The following SRGAP1 variants were observed in gnomAD, a reference collection of about 807,000 sequenced individuals.
SRGAP1 encodes the protein SLIT-ROBO Rho GTPase-activating protein 1.
In SRGAP1, 43 loss-of-function variants were observed where a neutral mutation model predicts 121.9. The ratio of observed to expected loss-of-function variants is 0.35; its 90% CI spans 0.28 to 0.46. SRGAP1 has a LOEUF of 0.46. SRGAP1 is among the 20% of genes least tolerant of loss of function. The pLI, the probability that SRGAP1 is intolerant of heterozygous loss-of-function variation, is 1.00. For synonymous variants in SRGAP1, 447 were observed against 485.4 expected, an observed-to-expected ratio of 0.92 and a Z score of 1.04; for missense variants, 1,102 against 1,350.9, an observed-to-expected ratio of 0.82 and a Z score of 2.89.
intron 1 of SRGAP1, among the ~76,000 whole-genome samples, chr12:63,928,170 T>C (rs533134051): frequency 6.6e-6 from 1 of 152,322 alleles, no homozygotes; most frequent in Admixed American, 6.5e-5. Flanking sequence ...ATGAATGTAC[T>C]TGAAAATTGC....
chr12:64,080,363 G>C lies in SRGAP1; in HGVS notation c.1401G>C (p.Leu467=). 6.2e-7 allele frequency: 1 copy of C among 1,613,074 alleles called. No individual in the cohort carries two copies. The highest frequency in any genetic ancestry group is 8.5e-7 in the Non-Finnish European group (1 of 1,179,312). ...AACATGACTTGCTGCAGAGGACCCT[G>C]GGAGAAGGTGAGTTATCCAAAATGT... ...QAKHDLLQRT[L]GEGHRAEYMT... is the part of the protein sequence containing the mutation. The change falls in exon 10 of 22, where the codon CTG becomes CTC. Residue 467 remains leucine (L), a synonymous_variant. Transcript: ENST00000355086.
chr12:63,990,128 C>A, intron 3 of SRGAP1, 56 bp downstream of exon 3: 2 of 1,390,498 alleles, frequency 1.4e-6, no homozygotes, highest in Non-Finnish European at 2.0e-6. Context: ...TTGTCTATAA[C>A]CAGGACTGAG....
chr12:63,897,519 G>C (rs1161382153), intron 1 of SRGAP1, among the ~76,000 whole-genome samples: 1 of 152,116 alleles, frequency 6.6e-6, no homozygotes, highest in Non-Finnish European at 1.5e-5. Flanking sequence ...TATGGAAAGA[G>C]GTGAAAAAAA....
chr12:63,904,085 C>T (rs1399347150), intron 1 of SRGAP1, among the ~76,000 whole-genome samples: 1 of 152,114 alleles, frequency 6.6e-6, no homozygotes, highest in East Asian at 1.9e-4. Context: ...AATGCATTCC[C>T]TTCCCTCCCA....
At chr12:64,072,624 C>T (rs2035663133) in intron 8 of SRGAP1, among the ~76,000 whole-genome samples, 1 of 152,056 alleles carries the variant, frequency 6.6e-6, no homozygotes, top group African/African-American at 2.4e-5. Flanking sequence ...AAGAGAGAGG[C>T]CTGGAACAGA....
Position 63,938,730 on chromosome 12 carries a change from A to T in SRGAP1, c.68-45217A>T, listed in dbSNP as rs187363437. On this transcript the variant is annotated intron_variant, in intron 1 of 21. Transcript: ENST00000355086. ...CTACTGTTTGTGAAATCTCTTCAGA[A>T]ATGTTTTTAGGTTTTTTTTTTTTTC... is the stretch of plus-strand genomic sequence containing the variant. 2.0e-5 allele frequency among the ~76,000 whole-genome samples: 3 copies of T among 152,102 alleles called. No individual in the cohort carries two copies. The East Asian group carries it at 5.8e-4, about 29-fold the overall frequency.
intron 8 of SRGAP1, among the ~76,000 whole-genome samples, chr12:64,066,492 A>G (rs1414532021): frequency 1.3e-5 from 2 of 152,228 alleles, no homozygotes; most frequent in Admixed American, 1.3e-4. Flanking sequence ...AAGCAAAAAA[A>G]TAACTTACAG....
intron 6 of SRGAP1, among the ~76,000 whole-genome samples, chr12:64,045,076 TAATA>T (rs977059024): frequency 6.6e-6 from 1 of 152,132 alleles, no homozygotes; most frequent in Non-Finnish European, 1.5e-5. Context: ...AACCATGTAG[TAATA>T]AATAAAACCA....
At chr12:64,012,519 T>C (rs2034279482) in intron 3 of SRGAP1, among the ~76,000 whole-genome samples, 1 of 150,972 alleles carries the variant, frequency 6.6e-6, no homozygotes, top group African/African-American at 2.4e-5. Context: ...AAGGGTCTGC[T>C]CTCACTGCTT....
rs2037152199 is a variant in SRGAP1, at chr12:64,154,989, CAT to C, written c.*12319_*12320del. 6.6e-6 allele frequency: 1 copy of C among 152,068 alleles called. No individual in the cohort carries two copies. The highest frequency in any genetic ancestry group is 1.5e-5 in the Non-Finnish European group (1 of 68,014). The allele number at this position is 152,068 out of a possible 1,614,324, so 9.4% of individuals were successfully genotyped here. On this transcript the variant is annotated 3_prime_UTR_variant, in exon 22 of 22. Transcript: ENST00000355086. ...GCCATTTCTAGTGTGCATTTGTTAA[CAT>C]AAATATGATAATAAAAATAGTTAAC...
intron 1 of SRGAP1, among the ~76,000 whole-genome samples, chr12:63,945,566 C>T (rs2136355522): frequency 6.6e-6 from 1 of 152,302 alleles, no homozygotes; most frequent in Non-Finnish European, 1.5e-5. Context: ...GAGAACTTAT[C>T]TTGTGGATTC....
chr12:63,996,017 T>G (rs2033689845), intron 3 of SRGAP1, among the ~76,000 whole-genome samples: 1 of 151,650 alleles, frequency 6.6e-6, no homozygotes, highest in Admixed American at 6.6e-5. Context: ...GCTCTGACCT[T>G]GTTTTTTTTT....
At chr12:64,078,865 T>C in intron 8 of SRGAP1, 54 bp from the exon 9 acceptor site, 1 of 1,572,670 alleles carries the variant, frequency 6.4e-7, no homozygotes. Flanking sequence ...CTCTCCCTGT[T>C]TGTGGGATTC....
chr12:63,922,887 C>T (rs2031119546), intron 1 of SRGAP1, among the ~76,000 whole-genome samples: 1 of 152,216 alleles, frequency 6.6e-6, no homozygotes, highest in African/African-American at 2.4e-5. Flanking sequence ...AAGAGTAGAT[C>T]TGTTTAATTA....
At chr12:63,924,327 G>C (rs2031178402) in intron 1 of SRGAP1, among the ~76,000 whole-genome samples, 1 of 152,132 alleles carries the variant, frequency 6.6e-6, no homozygotes, top group South Asian at 2.1e-4. Context: ...AGTTGTAGAT[G>C]AGTTGGGTTT....
intron 1 of SRGAP1, among the ~76,000 whole-genome samples, chr12:63,887,227 G>A (rs1592916911): frequency 1.3e-5 from 2 of 152,114 alleles, no homozygotes; most frequent in African/African-American, 4.8e-5. Flanking sequence ...GACCCCAGAA[G>A]GCAACTCACT....
chr12:64,046,939 T>C (rs1181870677), intron 6 of SRGAP1, among the ~76,000 whole-genome samples: 1 of 151,638 alleles, frequency 6.6e-6, no homozygotes, highest in Admixed American at 6.6e-5. Flanking sequence ...AAAACAAAAC[T>C]GAGATTTAGC....
chr12:64,142,235 C>T (rs1337069696), intron 21 of SRGAP1, 60 bp from the exon 22 acceptor site: 1 of 1,551,948 alleles, frequency 6.4e-7, no homozygotes, highest in African/African-American at 1.4e-5. Flanking sequence ...GTCTGGGTTT[C>T]TATACATTAG....
intron 1 of SRGAP1, among the ~76,000 whole-genome samples, chr12:63,941,574 G>C (rs1227052404): frequency 3.3e-5 from 5 of 151,500 alleles, no homozygotes; most frequent in Non-Finnish European, 7.4e-5. Context: ...CACCAAAGCT[G>C]TCTCTTAACA....
Sources: gnomAD v4.1 joint callset for allele counts (sites outside exome capture counted in the v4.1 genomes callset) on GRCh38, gnomAD v4.1.1 for gene constraint, MANE v1.5 for transcripts, NCBI Gene and HGNC (gene_info 2026-07-23, HGNC 2026-07-21) for gene names.